The following UNC79 variants were observed in gnomAD, a reference collection of about 807,000 sequenced individuals.
UNC79 encodes unc-79 subunit of NALCN channel complex.
Under a neutral mutation model 283.1 loss-of-function variants are expected in UNC79, and 37 were observed. The observed-to-expected ratio is 0.13, with a 90% confidence interval of 0.10 to 0.17. The LOEUF (loss-of-function observed/expected upper bound fraction) is 0.17, where lower values mean the gene tolerates loss of function less well. Ranked by LOEUF, UNC79 falls within the 10% of genes least tolerant of loss-of-function variation. UNC79 has a pLI of 1.00. For synonymous variants in UNC79, 1,107 were observed against 1,200.2 expected (o/e 0.92, Z 1.61); for missense variants, 2,272 against 3,211.1 (o/e 0.71, Z 7.07).
intron 1 of UNC79, among the ~76,000 whole-genome samples, chr14:93,463,370 G>C (rs971432951): frequency 2.0e-5 from 3 of 152,168 alleles, no homozygotes; most frequent in African/African-American, 7.2e-5. Flanking sequence ...AAGTGACAGA[G>C]AGAGGAGAAT....
chr14:93,653,817 C>A (rs766066889), exon 36 of UNC79: 2 of 1,614,160 alleles, frequency 1.2e-6, no homozygotes, highest in East Asian at 2.2e-5. Flanking sequence ...TGGCCCCCAA[C>A]GGCATCTTCC....
At position 93,622,899 on chromosome 14, in the gene UNC79, G is replaced by A. The variant is rs1243175790; in HGVS notation, c.5608+58G>A. On this transcript the variant is annotated intron_variant, in intron 30 of 48. Transcript: ENST00000555664. Reference sequence around the variant, plus strand: ...AACTTTAAGTTTGTGCATCTTGTTTGATAGGGTACCGGCACTGAATATGCA... The same window carrying A: ...AACTTTAAGTTTGTGCATCTTGTTTAATAGGGTACCGGCACTGAATATGCA... The A allele has an allele frequency of 5.1e-6, 8 of 1,570,586 alleles. No homozygotes were observed. The Middle Eastern group carries it at 6.2e-4, about 122-fold the overall frequency.
At chr14:93,389,299 G>GA (rs2054837504) in intron 1 of UNC79, among the ~76,000 whole-genome samples, 1 of 152,166 alleles carries the variant, frequency 6.6e-6, no homozygotes, top group Non-Finnish European at 1.5e-5. Context: ...CCATGACAGA[G>GA]CTACAGGGTT....
intron 40 of UNC79, among the ~76,000 whole-genome samples, chr14:93,668,698 C>A (rs11628061): frequency 0.097 from 14,665 of 151,218 alleles, 1,394 homozygotes; most frequent in African/African-American, 0.25. Flanking sequence ...ACAAAAATTT[C>A]GCTGGGCATA....
chr14:93,685,164 G>C (rs1313972865), intron 42 of UNC79, among the ~76,000 whole-genome samples: 1 of 152,126 alleles, frequency 6.6e-6, no homozygotes, highest in African/African-American at 2.4e-5. Flanking sequence ...CTCATTTTTT[G>C]AGATTCAAAC....
chr14:93,616,855 G>C lies in UNC79; in HGVS notation c.4042-267G>C, dbSNP rs534512504. ...GTTTAACTCTGGTTAATAGTTGAAT[G>C]GACAAAATTTTATTTTCAATAGGTA... On this transcript the variant is annotated intron_variant, in intron 27 of 48. Transcript: ENST00000555664. Among the ~76,000 whole-genome samples the C allele has an allele frequency of 2.4e-4, 36 of 152,076 alleles. No individual in the cohort carries two copies. The South Asian group carries it at 7.3e-3, about 31-fold the overall frequency.
intron 1 of UNC79, among the ~76,000 whole-genome samples, chr14:93,380,537 A>G (rs2054645142): frequency 1.3e-5 from 2 of 152,128 alleles, no homozygotes; most frequent in African/African-American, 2.4e-5. Context: ...TTTATTTTCT[A>G]TGAGTACACC....
chr14:93,647,249 C>A (rs1168880912), intron 35 of UNC79, among the ~76,000 whole-genome samples: 1 of 152,138 alleles, frequency 6.6e-6, no homozygotes, highest in Admixed American at 6.5e-5. Context: ...AACAAAACAT[C>A]AAATCCTGGC....
intron 25 of UNC79, among the ~76,000 whole-genome samples, chr14:93,602,155 A>C (rs1037370354): frequency 6.6e-6 from 1 of 152,212 alleles, no homozygotes; most frequent in East Asian, 1.9e-4. Context: ...GCTTTTGAGT[A>C]CTTGGTCATG....
At chr14:93,564,582 G>A (rs1378632193) in intron 14 of UNC79, among the ~76,000 whole-genome samples, 4 of 152,308 alleles carry the variant, frequency 2.6e-5, no homozygotes, top group African/African-American at 7.2e-5. Context: ...TTTCACACGC[G>A]TCCATGTGAA....
exon 20 of UNC79, chr14:93,582,254 A>G (rs1456120477): frequency 2.5e-6 from 4 of 1,614,160 alleles, no homozygotes; most frequent in Non-Finnish European, 3.4e-6. Flanking sequence ...ACCAGAGTTT[A>G]TCATAGGCCC....
Position 93,706,652 on chromosome 14 carries a change from TGG to T in UNC79, c.7591-50_7591-49del, listed in dbSNP as rs898309380. 11 of 1,606,578 alleles carry T rather than the reference TGG, an allele frequency of 6.8e-6. No homozygotes were observed. The African/African-American group carries it at 1.5e-4, about 21-fold the overall frequency. On this transcript the variant is annotated intron_variant, in intron 48 of 48. Coordinates refer to ENST00000555664, the Ensembl canonical transcript of UNC79. ...AGAAGCCGCCCGGGTCGACACTCCC[TGG>T]GTTGCCCGTGAAAAGAAATAAACTA... is the stretch of plus-strand genomic sequence containing the variant.
At chr14:93,559,161 A>G (rs567360983) in intron 14 of UNC79, among the ~76,000 whole-genome samples, 1 of 152,326 alleles carries the variant, frequency 6.6e-6, no homozygotes, top group African/African-American at 2.4e-5. Flanking sequence ...GAGTATAAAG[A>G]TTTATAAACA....
At chr14:93,655,656 A>C (rs575757530) in intron 38 of UNC79, among the ~76,000 whole-genome samples, 97 of 151,720 alleles carry the variant, frequency 6.4e-4, no homozygotes, top group African/African-American at 1.1e-3. Flanking sequence ...AAAAAAAAAA[A>C]AAAAACAAAA....
At chr14:93,421,914 A>C (rs560831899) in intron 1 of UNC79, among the ~76,000 whole-genome samples, 1 of 151,978 alleles carries the variant, frequency 6.6e-6, no homozygotes, top group South Asian at 2.1e-4. Context: ...AAACCATATG[A>C]TCATTTCAAT....
At chr14:93,671,655 C>T (rs2072875773) in intron 40 of UNC79, among the ~76,000 whole-genome samples, 1 of 151,908 alleles carries the variant, frequency 6.6e-6, no homozygotes, top group African/African-American at 2.4e-5. Flanking sequence ...GTCTGTAATC[C>T]CAGCTACTTG....
rs767062499 is a variant in UNC79, at chr14:93,621,869, G to C, written c.4636G>C (p.Gly1546Arg). The change falls in exon 30 of 49, where the codon GGA (glycine) becomes CGA (arginine). Residue 1546 changes from glycine to arginine, a missense_variant. Physicochemically the swap from Gly to Arg is moderately radical, Grantham distance 125 (BLOSUM62 -2). Around this residue, in one of 11 missense-constraint regions of UNC79, gnomAD observed 580 missense variants for 632.2 expected, o/e 0.92. Coordinates refer to ENST00000555664, the Ensembl canonical transcript of UNC79. This position sits in a 1 kb window ranked among gnomAD's most constrained non-coding sequence, Gnocchi z 4.8. ...TATCGCACAAAGACCAAACGACCCT[G>C]GACGTTCTAGACAGAACTCTGCTAC... 1.2e-6 allele frequency: 2 copies of C among 1,613,942 alleles called. No homozygotes were observed. The highest frequency in any genetic ancestry group is 1.3e-5 in the African/African-American group (1 of 74,868).
chr14:93,682,792 C>A (rs868716942), intron 42 of UNC79, 98 bp downstream of exon 45: 1 of 1,120,440 alleles, frequency 8.9e-7, no homozygotes, highest in South Asian at 1.4e-5. Context: ...TGAGGCCTGC[C>A]ATTTACTAGC....
chr14:93,456,145 C>G (rs2056791609), intron 1 of UNC79, among the ~76,000 whole-genome samples: 1 of 151,886 alleles, frequency 6.6e-6, no homozygotes, highest in Non-Finnish European at 1.5e-5. Flanking sequence ...TCCTTAGGAG[C>G]CTGTTGAGTG....
Sources: gnomAD v4.1 joint callset for allele counts (sites outside exome capture counted in the v4.1 genomes callset) on GRCh38, gnomAD v4.1.1 for gene constraint, gnomAD v4.1.1 regional missense constraint, Gnocchi (gnomAD v3.1) non-coding constraint, MANE v1.5 for transcripts, NCBI Gene and HGNC (gene_info 2026-07-23, HGNC 2026-07-21) for gene names.